The following ROBO2 variants were observed in gnomAD, a reference collection of about 807,000 sequenced individuals.
The protein encoded by ROBO2 is roundabout guidance receptor 2, also known as roundabout homolog 2.
ROBO2 carries 53 observed loss-of-function variants against 160.8 expected under a neutral mutation model. The observed-to-expected ratio is 0.33, with a 90% CI of 0.26 to 0.41. The LOEUF is 0.41. Among genes scored for constraint, ROBO2 ranks in the 10% least tolerant of loss-of-function variants. The pLI is 1.00. For missense variants in ROBO2, 1,577 were observed against 1,722.4 expected (o/e 0.92, Z 1.49); for synonymous variants, 664 against 611.7 (o/e 1.09, Z -1.26).
chr3:77,400,627 G>A (rs1315455592), intron 2 of ROBO2, among the ~76,000 whole-genome samples: 1 of 152,130 alleles, frequency 6.6e-6, no homozygotes, highest in Non-Finnish European at 1.5e-5. Flanking sequence ...TTTTTCTTCT[G>A]AGTCACACTT....
chr3:77,514,452 A>G (rs1434834412), intron 5 of ROBO2, among the ~76,000 whole-genome samples: 1 of 151,792 alleles, frequency 6.6e-6, no homozygotes, highest in Non-Finnish European at 1.5e-5. Flanking sequence ...CCCAATGCAA[A>G]TGCACACAGA....
intron 2 of ROBO2, among the ~76,000 whole-genome samples, chr3:76,053,577 TAGA>T (rs1244080125): frequency 1.7e-4 from 26 of 152,174 alleles, no homozygotes; most frequent in Middle Eastern, 3.4e-3. Context: ...TTCATATAAA[TAGA>T]AGTCAAAAGA....
At chr3:76,013,130 C>T (rs1200599201) in intron 2 of ROBO2, among the ~76,000 whole-genome samples, 303 of 57,230 alleles carry the variant, frequency 5.3e-3, no homozygotes, top group Middle Eastern at 0.034. Flanking sequence ...ATCCCAGAAG[C>T]AATATGTATA....
At chr3:76,065,638 A>G (rs1269021759) in intron 2 of ROBO2, among the ~76,000 whole-genome samples, 1 of 151,568 alleles carries the variant, frequency 6.6e-6, no homozygotes, top group Non-Finnish European at 1.5e-5. Flanking sequence ...AGAAGTAAAA[A>G]TTATCTGACA....
At chr3:76,383,069 T>C (rs1005884950) in intron 2 of ROBO2, among the ~76,000 whole-genome samples, 6 of 152,142 alleles carry the variant, frequency 3.9e-5, no homozygotes, top group African/African-American at 4.8e-5. Context: ...ATTGAAAACA[T>C]TGAACAATTT....
intron 2 of ROBO2, among the ~76,000 whole-genome samples, chr3:77,292,563 A>T (rs1176045532): frequency 6.6e-6 from 1 of 151,834 alleles, no homozygotes; most frequent in Non-Finnish European, 1.5e-5. Flanking sequence ...CATAAAGTAA[A>T]ATTGATGGTT....
chr3:76,252,661 G>C (rs1706084906), intron 2 of ROBO2, among the ~76,000 whole-genome samples: 1 of 151,542 alleles, frequency 6.6e-6, no homozygotes, highest in Non-Finnish European at 1.5e-5. Context: ...TTGCTAATGA[G>C]AAGCATATAT....
intron 2 of ROBO2, among the ~76,000 whole-genome samples, chr3:77,464,129 A>T (rs1318173560): frequency 2.0e-5 from 3 of 152,238 alleles, no homozygotes; most frequent in African/African-American, 7.2e-5. Flanking sequence ...TTCATTTTAC[A>T]GATGAAAAAG....
At chr3:76,263,244 T>C (rs1396683706) in intron 2 of ROBO2, among the ~76,000 whole-genome samples, 1 of 152,062 alleles carries the variant, frequency 6.6e-6, no homozygotes, top group Non-Finnish European at 1.5e-5. Context: ...GTCCTTTTTT[T>C]TGGGGAAGGG....
intron 2 of ROBO2, among the ~76,000 whole-genome samples, chr3:77,452,164 T>C (rs1487049336): frequency 6.6e-6 from 1 of 152,168 alleles, no homozygotes; most frequent in African/African-American, 2.4e-5. Context: ...AGGAATAATT[T>C]TGAAAGTTGA....
chr3:76,687,894 C>T (rs1482718988), intron 2 of ROBO2, among the ~76,000 whole-genome samples: 1 of 151,970 alleles, frequency 6.6e-6, no homozygotes, highest in Non-Finnish European at 1.5e-5. Context: ...CACTAAATCT[C>T]CTTAAACACC....
intron 6 of ROBO2, among the ~76,000 whole-genome samples, chr3:77,538,420 G>A (rs958011297): frequency 6.6e-6 from 1 of 152,010 alleles, no homozygotes; most frequent in East Asian, 2.0e-4. Context: ...CTCATGATCT[G>A]CCCGCCTTGG....
intron 2 of ROBO2, among the ~76,000 whole-genome samples, chr3:77,392,538 T>C (rs1478993125): frequency 6.6e-6 from 1 of 152,240 alleles, no homozygotes; most frequent in Non-Finnish European, 1.5e-5. Context: ...TGTGGCCCAA[T>C]TTAAAATTAT....
rs564484049 is a variant in ROBO2, at chr3:77,330,361, T to C, written c.389-147053T>C. ...GGCAAAACCTTGTTTCTACTAAAAA[T>C]ACAAAAATTAGTCTGGTGTGGTGGC... On this transcript the variant is annotated intron_variant, in intron 2 of 25. Coordinates refer to ENST00000461745, the Ensembl canonical transcript of ROBO2. 3.3e-5 allele frequency among the ~76,000 whole-genome samples: 5 copies of C among 152,278 alleles called. 1 individual carries two copies. Among genetic ancestry groups the C allele is most frequent in the African/African-American group, 1.2e-4 (5 of 41,556 alleles).
intron 2 of ROBO2, among the ~76,000 whole-genome samples, chr3:76,817,058 C>T (rs780375470): frequency 3.9e-5 from 6 of 151,964 alleles, no homozygotes; most frequent in Non-Finnish European, 5.9e-5. Context: ...ACATCAAACA[C>T]TGGAGAGTGT....
chr3:77,128,289 C>A (rs114052975), intron 2 of ROBO2, among the ~76,000 whole-genome samples: 1 of 152,108 alleles, frequency 6.6e-6, no homozygotes, highest in East Asian at 1.9e-4. Context: ...ACACAGTAGT[C>A]CTTTCCTCAT....
At chr3:76,852,415 T>G (rs1435774096) in intron 2 of ROBO2, among the ~76,000 whole-genome samples, 1 of 152,188 alleles carries the variant, frequency 6.6e-6, no homozygotes. Context: ...ACAGAGGCTC[T>G]AAAACTACTT....
chr3:77,482,501 C>T (rs1215446110), intron 4 of ROBO2, among the ~76,000 whole-genome samples: 2 of 152,168 alleles, frequency 1.3e-5, no homozygotes, highest in Non-Finnish European at 2.9e-5. Flanking sequence ...ACCAGGTAAT[C>T]TCTGGTAACA....
At chr3:76,794,509 G>A (rs72898128) in intron 2 of ROBO2, among the ~76,000 whole-genome samples, 106 of 152,034 alleles carry the variant, frequency 7.0e-4, no homozygotes, top group Middle Eastern at 3.4e-3. Flanking sequence ...TTGAAATTTG[G>A]GATAAAGCTG....
Sources: gnomAD v4.1 joint callset for allele counts (sites outside exome capture counted in the v4.1 genomes callset) on GRCh38, gnomAD v4.1.1 for gene constraint, MANE v1.5 for transcripts, NCBI Gene and HGNC (gene_info 2026-07-23, HGNC 2026-07-21) for gene names.